LARGE1: variants seen among roughly 807,000 people sequenced by gnomAD.
The protein encoded by LARGE1 is LARGE xylosyl- and glucuronyltransferase 1.
LARGE1 carries 43 observed loss-of-function variants against 87.6 expected under a neutral mutation model. The ratio of observed to expected loss-of-function variants is 0.49; its 90% CI spans 0.38 to 0.63. The LOEUF is 0.63. LARGE1 is among the 30% of genes least tolerant of loss of function. The pLI is 0.00. For missense variants in LARGE1, 802 were observed against 1,000.2 expected, an observed-to-expected ratio of 0.80 and a Z score of 2.67; for synonymous variants, 434 against 394.6, an observed-to-expected ratio of 1.10 and a Z score of -1.18.
chr22:33,429,531 A>T (rs1019490231), intron 7 of LARGE1, among the ~76,000 whole-genome samples: 17 of 152,134 alleles, frequency 1.1e-4, no homozygotes, highest in African/African-American at 4.1e-4. Context: ...TAAATTCCCT[A>T]GTGTGCTACA....
chr22:33,581,404 C>T (rs2078514663), intron 5 of LARGE1, among the ~76,000 whole-genome samples: 1 of 152,170 alleles, frequency 6.6e-6, no homozygotes. Context: ...TGAAATGGTA[C>T]AACCAGGGAT....
intron 1 of LARGE1, among the ~76,000 whole-genome samples, chr22:33,789,267 T>G (rs2085746719): frequency 6.6e-6 from 1 of 152,244 alleles, no homozygotes; most frequent in Admixed American, 6.5e-5. Context: ...GGCTTCCACA[T>G]GCTGTTGGGC....
intron 10 of LARGE1, among the ~76,000 whole-genome samples, chr22:33,316,773 AG>A (rs892236638): frequency 1.3e-5 from 2 of 152,194 alleles, no homozygotes; most frequent in African/African-American, 4.8e-5. Flanking sequence ...CAAAAAAAAG[AG>A]GATGCCTTTA....
chr22:33,235,000 G>A (rs149296038), intron 11 of LARGE1, among the ~76,000 whole-genome samples: 2 of 152,178 alleles, frequency 1.3e-5, no homozygotes, highest in African/African-American at 4.8e-5. Flanking sequence ...TGAGCTATGA[G>A]AAATTAAATA....
Position 33,226,874 on chromosome 22 carries a change from C to T in LARGE1, c.1731-60042G>A, listed in dbSNP as rs532989908. ...CCTCCCGAGTAGCTGGGACTACAGGCGCCTGCCGCCGCGCCTGGCTAATTT... is the reference window on the plus strand; with the variant it reads ...CCTCCCGAGTAGCTGGGACTACAGGTGCCTGCCGCCGCGCCTGGCTAATTT... On this transcript the variant is annotated intron_variant, in intron 11 of 11. Coordinates refer to the LARGE1 transcript ENST00000608642. Among the ~76,000 whole-genome samples, 59 of 151,986 alleles carry T rather than the reference C, an allele frequency of 3.9e-4. No homozygotes were observed. In the East Asian group the frequency reaches 7.6e-3, roughly 19 times the overall value.
chr22:33,400,534 C>T lies in LARGE1; in HGVS notation c.893-16230G>A, dbSNP rs149371235. Among the ~76,000 whole-genome samples, 65 of 152,308 alleles carry T rather than the reference C, an allele frequency of 4.3e-4. 1 individual carries two copies. Among genetic ancestry groups the T allele is most frequent in the African/African-American group, 1.4e-3 (60 of 41,568 alleles). On this transcript the variant is annotated intron_variant, in intron 7 of 14. Coordinates refer to ENST00000397394, the MANE Select transcript of LARGE1 (RefSeq NM_133642.5). ...TTTAAATTTTTAACAAATAATGAATCTGCCTCTCTCTATCAGTCTGGCTAG... is the reference window on the plus strand; with the variant it reads ...TTTAAATTTTTAACAAATAATGAATTTGCCTCTCTCTATCAGTCTGGCTAG...
intron 1 of LARGE1, among the ~76,000 whole-genome samples, chr22:33,876,229 C>T (rs529650721): frequency 6.6e-6 from 1 of 152,246 alleles, no homozygotes; most frequent in South Asian, 2.1e-4. Context: ...TAAAACAGGA[C>T]TGAAACTAAC....
At chr22:33,339,387 T>C (rs1322812228) in intron 9 of LARGE1, among the ~76,000 whole-genome samples, 1 of 151,224 alleles carries the variant, frequency 6.6e-6, no homozygotes, top group Non-Finnish European at 1.5e-5. Context: ...GGCGGAAAAA[T>C]GTTGGTAGTG....
At chr22:33,067,911 C>T in the LARGE1 span, among the ~76,000 whole-genome samples, 1 of 151,694 alleles carries the variant, frequency 6.6e-6, no homozygotes, top group Non-Finnish European at 1.5e-5. Flanking sequence ...ACCTGGGAGG[C>T]AGAGGTTGCA....
chr22:33,097,792 G>A, the LARGE1 span, among the ~76,000 whole-genome samples: 1 of 152,106 alleles, frequency 6.6e-6, no homozygotes, highest in African/African-American at 2.4e-5. Flanking sequence ...TAAAATAACG[G>A]GTATAATATC....
At chr22:33,367,373 C>T (rs1417995287) in intron 9 of LARGE1, among the ~76,000 whole-genome samples, 1 of 152,116 alleles carries the variant, frequency 6.6e-6, no homozygotes, top group African/African-American at 2.4e-5. Context: ...GATCAATTTG[C>T]TGACCAACTT....
At chr22:33,193,886 A>G (rs1020057333) in intron 11 of LARGE1, among the ~76,000 whole-genome samples, 3 of 147,478 alleles carry the variant, frequency 2.0e-5, no homozygotes, top group African/African-American at 7.4e-5. Context: ...ATAATGTTTT[A>G]TATATTATAT....
At chr22:33,388,716 C>T (rs1008142057) in intron 7 of LARGE1, among the ~76,000 whole-genome samples, 1 of 152,178 alleles carries the variant, frequency 6.6e-6, no homozygotes, top group African/African-American at 2.4e-5. Flanking sequence ...CAGGCACACA[C>T]CACCACGCCT....
the LARGE1 span, chr22:33,116,266 G>T: frequency 1.3e-5 from 2 of 152,294 alleles, no homozygotes; most frequent in East Asian, 3.9e-4. Context: ...ATCCTTAACA[G>T]GGCGTTTTGC....
chr22:33,525,010 C>T (rs528333819), intron 6 of LARGE1, among the ~76,000 whole-genome samples: 1 of 152,324 alleles, frequency 6.6e-6, no homozygotes, highest in African/African-American at 2.4e-5. Context: ...CTTTAGCACA[C>T]AGGTCTTCTG....
intron 4 of LARGE1, among the ~76,000 whole-genome samples, chr22:33,625,303 C>G (rs987364212): frequency 6.6e-6 from 1 of 152,110 alleles, no homozygotes; most frequent in East Asian, 1.9e-4. Context: ...AGATGCCAAT[C>G]AAAATAGTGA....
intron 9 of LARGE1, among the ~76,000 whole-genome samples, chr22:33,347,238 C>T (rs73882203): frequency 0.012 from 1,801 of 152,332 alleles, 32 homozygotes; most frequent in African/African-American, 0.041. Context: ...TATTAGAGAA[C>T]TCATTGCATG....
the LARGE1 span, among the ~76,000 whole-genome samples, chr22:33,103,432 C>CAAAAAA: frequency 4.7e-4 from 16 of 33,804 alleles, 1 homozygote; most frequent in African/African-American, 1.6e-3. Context: ...GACTCTGTCT[C>CAAAAAA]AAAAAAAAAA....
chr22:33,876,405 T>C (rs78184087), intron 1 of LARGE1, among the ~76,000 whole-genome samples: 5,309 of 152,242 alleles, frequency 0.035, 320 homozygotes, highest in African/African-American at 0.12. Flanking sequence ...TCACTGGTAA[T>C]GTCCTATTTC....
Sources: gnomAD v4.1 joint callset for allele counts (sites outside exome capture counted in the v4.1 genomes callset) on GRCh38, gnomAD v4.1.1 for gene constraint, MANE v1.5 for transcripts, NCBI Gene and HGNC (gene_info 2026-07-23, HGNC 2026-07-21) for gene names.